Variants in NAALADL2 observed in about 807,000 individuals in gnomAD.
NAALADL2 encodes the protein N-acetylated alpha-linked acidic dipeptidase like 2.
NAALADL2 carries 76 observed loss-of-function variants against 87.2 expected under a neutral mutation model. The ratio of observed to expected loss-of-function variants is 0.87; its 90% CI spans 0.72 to 1.05. The LOEUF (loss-of-function observed/expected upper bound fraction) is 1.05, where lower values mean the gene tolerates loss of function less well. Among genes scored for constraint, NAALADL2 ranks in the 50% least tolerant of loss-of-function variants. The pLI is 0.00. For synonymous variants in NAALADL2, 354 were observed against 331.0 expected (o/e 1.07, Z -0.75); for missense variants, 1,089 against 945.8 (o/e 1.15, Z -1.99).
At chr3:175,490,655 A>G (rs1365209839) in intron 9 of NAALADL2, among the ~76,000 whole-genome samples, 1 of 150,806 alleles carries the variant, frequency 6.6e-6, no homozygotes, top group African/African-American at 2.4e-5. Context: ...TCGGCCTCCC[A>G]AAGTGCTGGG....
At position 174,467,074 on chromosome 3, in the gene NAALADL2, T is replaced by C. The variant is rs113842333; in HGVS notation, c.-184+26042T>C. 5.4e-3 allele frequency among the ~76,000 whole-genome samples: 815 copies of C among 152,266 alleles called. 7 individuals carry two copies. The highest frequency in any genetic ancestry group is 0.041 in the East Asian group (213 of 5,158). On this transcript the variant is annotated intron_variant, in intron 1 of 3. Transcript: ENST00000434257. ...AATGAGAGTCTTTTCAGATTGAACA[T>C]TGTGGAACTCTGTATTTTCCAAACA...
chr3:175,327,635 C>A (rs963665446), intron 5 of NAALADL2, among the ~76,000 whole-genome samples: 1 of 151,948 alleles, frequency 6.6e-6, no homozygotes, highest in African/African-American at 2.4e-5. Flanking sequence ...TAAGAAAGAA[C>A]AAGAAACGTG....
intron 3 of NAALADL2, among the ~76,000 whole-genome samples, chr3:174,741,673 C>A (rs543389800): frequency 5.9e-5 from 9 of 151,718 alleles, no homozygotes; most frequent in African/African-American, 2.2e-4. Context: ...AAAACTCCAA[C>A]TCATTAACTT....
chr3:175,117,663 TGGTG>T (rs1430832848), intron 2 of NAALADL2, among the ~76,000 whole-genome samples: 22 of 151,286 alleles, frequency 1.5e-4, no homozygotes, highest in African/African-American at 5.4e-4. Flanking sequence ...TTTACACTGT[TGGTG>T]GGACTGTAAA....
chr3:175,250,169 T>C (rs1459176565), intron 3 of NAALADL2, among the ~76,000 whole-genome samples: 1 of 124,718 alleles, frequency 8.0e-6, no homozygotes, highest in Non-Finnish European at 1.7e-5. Flanking sequence ...AATTCGGTCT[T>C]AAAAAAAAAA....
intron 5 of NAALADL2, among the ~76,000 whole-genome samples, chr3:175,390,969 C>T (rs552900923): frequency 6.6e-6 from 1 of 152,268 alleles, no homozygotes; most frequent in Non-Finnish European, 1.5e-5. Context: ...TGTTACTCTT[C>T]CCACAATTAT....
At chr3:175,387,114 A>C (rs1167376112) in intron 5 of NAALADL2, among the ~76,000 whole-genome samples, 1 of 152,154 alleles carries the variant, frequency 6.6e-6, no homozygotes, top group Admixed American at 6.6e-5. Context: ...CTGCAAAAGT[A>C]ACAGCCACAA....
intron 2 of NAALADL2, among the ~76,000 whole-genome samples, chr3:175,132,657 G>A (rs1277400568): frequency 8.1e-6 from 1 of 124,116 alleles, no homozygotes; most frequent in Non-Finnish European, 1.7e-5. Context: ...CCGGGCGGGG[G>A]GCTGACCCCT....
chr3:174,445,994 C>G (rs988672292), intron 1 of NAALADL2, among the ~76,000 whole-genome samples: 2 of 152,118 alleles, frequency 1.3e-5, no homozygotes, highest in African/African-American at 4.8e-5. Flanking sequence ...TGCACTGTTG[C>G]ATGGGATATT....
intron 5 of NAALADL2, among the ~76,000 whole-genome samples, chr3:175,338,111 A>G (rs1762182536): frequency 6.6e-6 from 1 of 152,164 alleles, no homozygotes; most frequent in Non-Finnish European, 1.5e-5. Context: ...GGTATGGAAG[A>G]CTAAATTGTC....
intron 2 of NAALADL2, among the ~76,000 whole-genome samples, chr3:175,191,032 G>A (rs149371096): frequency 6.6e-6 from 1 of 150,844 alleles, no homozygotes; most frequent in Non-Finnish European, 1.5e-5. Flanking sequence ...TAGAATGAAC[G>A]AGTCTAGAAA....
intron 3 of NAALADL2, chr3:175,235,899 G>C (rs1410501393): frequency 6.6e-6 from 1 of 152,180 alleles, no homozygotes; most frequent in African/African-American, 2.4e-5. Context: ...CGCTGGCCCA[G>C]TGGATTGAAG....
At chr3:174,486,094 G>A (rs1717842434) in intron 1 of NAALADL2, among the ~76,000 whole-genome samples, 1 of 151,980 alleles carries the variant, frequency 6.6e-6, no homozygotes, top group Non-Finnish European at 1.5e-5. Flanking sequence ...CCTCTTAAGT[G>A]GGATAGGATG....
chr3:174,599,378 C>T (rs1055449426), intron 2 of NAALADL2, among the ~76,000 whole-genome samples: 5 of 152,092 alleles, frequency 3.3e-5, no homozygotes, highest in Non-Finnish European at 7.4e-5. Flanking sequence ...AACTGACCTT[C>T]TAGATGGTGA....
At chr3:175,142,442 C>A (rs561072153) in intron 2 of NAALADL2, among the ~76,000 whole-genome samples, 83 of 152,070 alleles carry the variant, frequency 5.5e-4, no homozygotes, top group Middle Eastern at 3.4e-3. Flanking sequence ...ATCCTCTCAA[C>A]AACCTTATGA....
At chr3:174,875,981 A>C (rs571676884) in intron 1 of NAALADL2, among the ~76,000 whole-genome samples, 1 of 151,778 alleles carries the variant, frequency 6.6e-6, no homozygotes, top group Non-Finnish European at 1.5e-5. Flanking sequence ...TAAAAGTGAA[A>C]CCTTGTTTTT....
At chr3:175,148,691 A>G (rs1044266746) in intron 2 of NAALADL2, among the ~76,000 whole-genome samples, 2 of 152,148 alleles carry the variant, frequency 1.3e-5, no homozygotes, top group African/African-American at 4.8e-5. Context: ...ACCATTTATT[A>G]AATCGGGAGT....
intron 3 of NAALADL2, among the ~76,000 whole-genome samples, chr3:174,843,936 G>T (rs1294705745): frequency 2.6e-5 from 4 of 152,112 alleles, no homozygotes; most frequent in African/African-American, 9.7e-5. Context: ...CATTATGTCA[G>T]ATGGGAAGTT....
chr3:175,290,259 A>T (rs1004735411), intron 4 of NAALADL2, among the ~76,000 whole-genome samples: 4 of 152,230 alleles, frequency 2.6e-5, no homozygotes, highest in Non-Finnish European at 4.4e-5. Context: ...ACTGGAGACA[A>T]TCTAAATATC....
Sources: allele counts gnomAD v4.1 joint callset (sites outside exome capture counted in the v4.1 genomes callset), GRCh38; gene constraint gnomAD v4.1.1; transcripts MANE v1.5; gene names NCBI Gene and HGNC (gene_info 2026-07-23, HGNC 2026-07-21).